GIGYF2: variants seen among roughly 807,000 people sequenced by gnomAD.
The protein encoded by GIGYF2 is GRB10-interacting GYF protein 2.
A neutral mutation model predicts 208.1 loss-of-function variants in GIGYF2; 25 were observed. The observed-to-expected ratio is 0.12, with a 90% CI of 0.09 to 0.17. GIGYF2 has a LOEUF of 0.17. Among genes scored for constraint, GIGYF2 ranks in the 10% least tolerant of loss-of-function variants. The probability of loss-of-function intolerance (pLI) is 1.00; values close to 1 mark genes in which losing one functional copy is unlikely to be tolerated. For synonymous variants in GIGYF2, 534 were observed against 543.8 expected, an observed-to-expected ratio of 0.98 and a Z score of 0.25; for missense variants, 1,302 against 1,579.4, an observed-to-expected ratio of 0.82 and a Z score of 2.98.
At chr2:232,701,584 C>T (rs145560790) in intron 1 of GIGYF2, among the ~76,000 whole-genome samples, 32 of 151,648 alleles carry the variant, frequency 2.1e-4, no homozygotes, top group African/African-American at 6.8e-4. Context: ...TCCATGCCAC[C>T]ACATCTGGCC....
intron 8 of GIGYF2, among the ~76,000 whole-genome samples, chr2:232,784,392 T>TTTC (rs773810717): frequency 0.016 from 1,803 of 109,722 alleles, 74 homozygotes; most frequent in African/African-American, 0.061. Context: ...ATTTCTTTTT[T>TTTC]TTTTTTTTTT....
At chr2:232,729,495 A>G in intron 2 of GIGYF2, 1 of 1,164,472 alleles carries the variant, frequency 8.6e-7, no homozygotes, top group Non-Finnish European at 1.1e-6. Context: ...TCAAGCTTTT[A>G]TTTAAATGCC....
At chr2:232,849,355 G>A (rs1320189086) in intron 27 of GIGYF2, among the ~76,000 whole-genome samples, 3 of 152,032 alleles carry the variant, frequency 2.0e-5, no homozygotes, top group Non-Finnish European at 2.9e-5. Flanking sequence ...TAGTAGAGAC[G>A]GGGTTTAACT....
At chr2:232,849,171 A>C (rs1384811360) in intron 27 of GIGYF2, among the ~76,000 whole-genome samples, 1 of 151,884 alleles carries the variant, frequency 6.6e-6, no homozygotes, top group Non-Finnish European at 1.5e-5. Context: ...AGGAAAAACA[A>C]ATTTTTTTTT....
At chr2:232,772,605 T>G (rs2106341752) in intron 8 of GIGYF2, among the ~76,000 whole-genome samples, 1 of 152,314 alleles carries the variant, frequency 6.6e-6, no homozygotes, top group Middle Eastern at 3.4e-3. Flanking sequence ...TAATCATCCT[T>G]GCGTATGACA....
chr2:232,836,264 A>C (rs1328540332), intron 22 of GIGYF2, among the ~76,000 whole-genome samples: 2 of 1,114 alleles, frequency 1.8e-3, no homozygotes, highest in Non-Finnish European at 0.012. Flanking sequence ...CCATCTCTAC[A>C]TATATATATA....
intron 2 of GIGYF2, among the ~76,000 whole-genome samples, chr2:232,723,664 C>T (rs574640898): frequency 1.3e-5 from 2 of 149,266 alleles, no homozygotes; most frequent in Admixed American, 6.7e-5. Context: ...CGCCTGACCT[C>T]GTGATCCACC....
rs1455642478 is a variant in GIGYF2 at position 232,765,860 on chromosome 2, G to A, written c.532+4424G>A. On this transcript the variant is annotated intron_variant, in intron 8 of 28. Coordinates refer to ENST00000373563, the MANE Select transcript of GIGYF2 (RefSeq NM_001103146.3). ...ATTTTTAGGTAACGACATGCCTCCA[G>A]TTTGTTGAAACTGTCATGCTATCTT... is the stretch of plus-strand genomic sequence containing the variant. The A allele has an allele frequency of 8.6e-6, 4 of 463,674 alleles. No individual in the cohort carries two copies. In the East Asian group the frequency reaches 2.8e-4, roughly 32 times the overall value. 28.7% of individuals were successfully genotyped at this position (463,674 alleles called of 1,614,324 possible). A position where few individuals can be genotyped will look rare whatever the true frequency, so the allele number is the denominator to read the frequency against.
At chr2:232,840,053 G>C (rs1574944159) in intron 23 of GIGYF2, 82 bp downstream of exon 23, 1 of 1,339,400 alleles carries the variant, frequency 7.5e-7, no homozygotes. Flanking sequence ...GGTTACTGAG[G>C]ACAATTACTG....
intron 8 of GIGYF2, among the ~76,000 whole-genome samples, chr2:232,783,889 T>C (rs894552316): frequency 4.6e-5 from 7 of 152,186 alleles, no homozygotes; most frequent in East Asian, 1.9e-4. Context: ...GGTTTCTCCA[T>C]GTTGGTTAGG....
intron 26 of GIGYF2, 23 bp downstream of exon 26, chr2:232,845,909 C>G: frequency 6.7e-7 from 1 of 1,490,278 alleles, no homozygotes; most frequent in Non-Finnish European, 9.4e-7. Context: ...GAGGGAAACC[C>G]GGCATGTGGA....
intron 8 of GIGYF2, chr2:232,765,230 T>C (rs1449250518): frequency 1.3e-5 from 2 of 152,140 alleles, no homozygotes; most frequent in African/African-American, 4.8e-5. Context: ...TAAAAAACAT[T>C]GTTCATAATT....
intron 3 of GIGYF2, among the ~76,000 whole-genome samples, chr2:232,743,164 A>G (rs1386413477): frequency 8.5e-5 from 13 of 152,112 alleles, no homozygotes; most frequent in Admixed American, 2.6e-4. Context: ...TGTTGAGGTT[A>G]TTGATGAACA....
chr2:232,747,846 A>G, intron 4 of GIGYF2, 102 bp downstream of exon 4: 1 of 1,132,432 alleles, frequency 8.8e-7, no homozygotes. Flanking sequence ...TAATGTATTG[A>G]CCCATGCCTT....
intron 28 of GIGYF2, among the ~76,000 whole-genome samples, chr2:232,853,559 C>A (rs1232242439): frequency 6.6e-6 from 1 of 152,242 alleles, no homozygotes; most frequent in Admixed American, 6.5e-5. Context: ...AAGGGTGAGC[C>A]ACCGTGCCCG....
intron 9 of GIGYF2, chr2:232,788,666 A>C (rs775456638): frequency 2.4e-6 from 1 of 422,254 alleles, no homozygotes; most frequent in Non-Finnish European, 5.1e-6. Context: ...GGAGTTTAAC[A>C]AAGTACCTCC....
chr2:232,723,886 G>T (rs1333951675), intron 2 of GIGYF2, among the ~76,000 whole-genome samples: 1 of 151,416 alleles, frequency 6.6e-6, no homozygotes, highest in Non-Finnish European at 1.5e-5. Context: ...GCAGGCTTTT[G>T]CCACCACGCC....
chr2:232,830,762 G>A (rs1194920687), intron 21 of GIGYF2, among the ~76,000 whole-genome samples: 1 of 152,018 alleles, frequency 6.6e-6, no homozygotes, highest in African/African-American at 2.4e-5. Flanking sequence ...CAGAAGGATC[G>A]CTGAGGCCAG....
At chr2:232,773,751 C>G (rs1699381398) in intron 8 of GIGYF2, among the ~76,000 whole-genome samples, 2 of 151,750 alleles carry the variant, frequency 1.3e-5, no homozygotes, top group Non-Finnish European at 2.9e-5. Context: ...TGATGTGAAG[C>G]CAGTGGCACA....
Sources: gnomAD v4.1 joint callset for allele counts (sites outside exome capture counted in the v4.1 genomes callset) on GRCh38, gnomAD v4.1.1 for gene constraint, MANE v1.5 for transcripts, NCBI Gene and HGNC (gene_info 2026-07-23, HGNC 2026-07-21) for gene names.